The following JMY variants were observed in gnomAD, a reference collection of about 807,000 sequenced individuals.
The protein encoded by JMY is junction mediating and regulatory protein, p53 cofactor, also known as junction-mediating and -regulatory protein.
A neutral mutation model predicts 103.3 loss-of-function variants in JMY; 46 were observed. The observed-to-expected ratio is 0.45, with a 90% CI of 0.35 to 0.57. The LOEUF (loss-of-function observed/expected upper bound fraction) is 0.57. JMY is among the 20% of genes least tolerant of loss of function. JMY has a pLI of 0.00. For synonymous variants in JMY, 526 were observed against 489.3 expected, an observed-to-expected ratio of 1.07 and a Z score of -0.99; for missense variants, 1,238 against 1,255.2, an observed-to-expected ratio of 0.99 and a Z score of 0.21.
Position 79,304,461 on chromosome 5 carries a change from A to G in JMY, c.1882-1914A>G, listed in dbSNP as rs1746824067. ...TGCCTCACCCCTTGAAAGAGTGGAG[A>G]TAGGTGGTCCCCGGCTGTGCTGGTG... On this transcript the variant is annotated intron_variant, in intron 6 of 10. Coordinates refer to ENST00000396137, the MANE Select transcript of JMY (RefSeq NM_152405.5). 2.0e-5 allele frequency among the ~76,000 whole-genome samples: 3 copies of G among 152,052 alleles called. No individual in the cohort carries two copies. The South Asian group carries it at 6.2e-4, about 32-fold the overall frequency.
chr5:79,271,229 G>A (rs868352351), intron 1 of JMY, among the ~76,000 whole-genome samples: 2 of 150,776 alleles, frequency 1.3e-5, no homozygotes, highest in South Asian at 2.1e-4. Flanking sequence ...AGAGAGTCTC[G>A]CTATGTTGCT....
rs535200148 is a variant in JMY at position 79,279,933 on chromosome 5, T to C, written c.1206+1850T>C. On this transcript the variant is annotated intron_variant, in intron 2 of 10. Transcript: ENST00000396137. ...ATCTCAGCTCACTGCAGTCTCGATG[T>C]CCTGGGTTCAAGCAGTCTTCCCACC... Among the ~76,000 whole-genome samples, 4 of 152,276 alleles carry C rather than the reference T, an allele frequency of 2.6e-5. No individual in the cohort carries two copies. In the South Asian group the frequency reaches 8.3e-4, roughly 32 times the overall value.
At chr5:79,268,749 A>G (rs1580342887) in intron 1 of JMY, among the ~76,000 whole-genome samples, 2 of 152,194 alleles carry the variant, frequency 1.3e-5, no homozygotes, top group East Asian at 1.9e-4. Flanking sequence ...CGGCTTCCCA[A>G]AGTGCTGGGA....
At chr5:79,284,620 A>T in intron 2 of JMY, 1 of 1,552,314 alleles carries the variant, frequency 6.4e-7, no homozygotes, top group Non-Finnish European at 8.8e-7. Flanking sequence ...GATCCATGCC[A>T]TGGAAGTTAG....
intron 1 of JMY, among the ~76,000 whole-genome samples, chr5:79,272,109 C>T (rs1745801118): frequency 7.1e-6 from 1 of 140,532 alleles, no homozygotes. Flanking sequence ...GAGATTCTGT[C>T]TTTAAAAAAA....
At chr5:79,270,537 A>ATGTT (rs1745735849) in intron 1 of JMY, among the ~76,000 whole-genome samples, 2 of 38,410 alleles carry the variant, frequency 5.2e-5, no homozygotes, top group Non-Finnish European at 1.6e-4. Context: ...ATTTACATAA[A>ATGTT]TATTTAAAAT....
intron 1 of JMY, among the ~76,000 whole-genome samples, chr5:79,238,330 C>T (rs962653358): frequency 2.6e-5 from 4 of 151,806 alleles, no homozygotes; most frequent in South Asian, 2.1e-4. Flanking sequence ...AGATTCTGGG[C>T]AGGAATGTTC....
At chr5:79,316,366 G>C (rs1747220258) in intron 10 of JMY, 56 bp downstream of exon 10, 1 of 1,362,438 alleles carries the variant, frequency 7.3e-7, no homozygotes. Flanking sequence ...TATATCGGAT[G>C]ATGAGGTTTG....
intron 1 of JMY, among the ~76,000 whole-genome samples, chr5:79,271,181 A>G (rs1745773032): frequency 6.7e-6 from 1 of 148,324 alleles, no homozygotes; most frequent in Non-Finnish European, 1.5e-5. Context: ...GTCTCCCACC[A>G]CACCTGGCTA....
Position 79,322,474 on chromosome 5 carries a change from A to AATC in JMY, c.*875_*877dup, listed in dbSNP as rs1747486587. The AATC allele has an allele frequency of 6.6e-6, 1 of 152,212 alleles. No homozygotes were observed. Among genetic ancestry groups the AATC allele is most frequent in the African/African-American group, 2.4e-5 (1 of 41,460 alleles). The allele number at this position is 152,212 out of a possible 1,614,324, so 9.4% of individuals were successfully genotyped here. On this transcript the variant is annotated 3_prime_UTR_variant, in exon 11 of 11. Transcript: ENST00000396137. ...TATTGAGAATCAAAAATCAAGATTC[A>AATC]ATCATAGGGATGCAGATCTTAACTC...
intron 10 of JMY, among the ~76,000 whole-genome samples, chr5:79,320,426 C>T (rs1272254282): frequency 1.3e-5 from 2 of 152,012 alleles, no homozygotes; most frequent in South Asian, 4.2e-4. Flanking sequence ...CTGCAATCTC[C>T]ATCTCCCGGG....
chr5:79,284,080 AT>A, intron 2 of JMY: 70 of 1,147,988 alleles, frequency 6.1e-5, no homozygotes, highest in Middle Eastern at 2.6e-4. Flanking sequence ...TTTTATTTTT[AT>A]TTTTTTTCAC....
intron 1 of JMY, among the ~76,000 whole-genome samples, chr5:79,245,341 A>T (rs899862146): frequency 1.6e-4 from 24 of 152,264 alleles, no homozygotes; most frequent in Admixed American, 2.6e-4. Flanking sequence ...TTGGTCATGA[A>T]GTCATCCTGG....
chr5:79,288,726 G>T (rs55978082), intron 2 of JMY, among the ~76,000 whole-genome samples: 6,329 of 143,268 alleles, frequency 0.044, 130 homozygotes, highest in Non-Finnish European at 0.052. Context: ...GTTTTTTTTT[G>T]TTTGTTTGTT....
chr5:79,317,721 C>G (rs6866469), intron 10 of JMY, among the ~76,000 whole-genome samples: 3,178 of 152,206 alleles, frequency 0.021, 133 homozygotes, highest in African/African-American at 0.072. Flanking sequence ...ATTTTAGAGA[C>G]AGAGTCTCCC....
chr5:79,248,241 G>A (rs187488454), intron 1 of JMY, among the ~76,000 whole-genome samples: 105 of 152,102 alleles, frequency 6.9e-4, no homozygotes, highest in African/African-American at 2.4e-3. Context: ...AGTTGGCCAG[G>A]CTGGTCTCGA....
At chr5:79,262,254 C>T (rs1457947287) in intron 1 of JMY, among the ~76,000 whole-genome samples, 1 of 152,200 alleles carries the variant, frequency 6.6e-6, no homozygotes, top group African/African-American at 2.4e-5. Flanking sequence ...AAGGCCTTCC[C>T]TCTTCATCTC....
In JMY at chr5:79,318,934, A is replaced by G. The variant is rs1264401489; in HGVS notation, c.*3+2624A>G. 2.6e-5 allele frequency among the ~76,000 whole-genome samples: 4 copies of G among 152,268 alleles called. No homozygotes were observed. The East Asian group carries it at 7.7e-4, about 29-fold the overall frequency. ...ACCATGTGTTGTTTCCTTCTGCTGT[A>G]GCTTCTCAGGAAGCTGCTTAAGCTT... On this transcript the variant is annotated intron_variant, in intron 10 of 10. Coordinates refer to ENST00000396137, the MANE Select transcript of JMY (RefSeq NM_152405.5).
At chr5:79,293,131 A>T (rs1345218025) in intron 4 of JMY, among the ~76,000 whole-genome samples, 1 of 151,804 alleles carries the variant, frequency 6.6e-6, no homozygotes, top group Non-Finnish European at 1.5e-5. Flanking sequence ...TTTTTAAAAC[A>T]AAGTTCTTCT....
Sources: gnomAD v4.1 joint callset for allele counts (sites outside exome capture counted in the v4.1 genomes callset) on GRCh38, gnomAD v4.1.1 for gene constraint, MANE v1.5 for transcripts, NCBI Gene and HGNC (gene_info 2026-07-23, HGNC 2026-07-21) for gene names.